The following CDK11B variants were observed in gnomAD, a reference collection of about 807,000 sequenced individuals.
CDK11B encodes cyclin-dependent kinase 11B.
In CDK11B, 37 loss-of-function variants were observed where a neutral mutation model predicts 84.0. The ratio of observed to expected loss-of-function variants is 0.44; its 90% CI spans 0.34 to 0.58. The LOEUF (loss-of-function observed/expected upper bound fraction) is 0.58, where lower values mean the gene tolerates loss of function less well. Among genes scored for constraint, CDK11B ranks in the 20% least tolerant of loss-of-function variants. CDK11B has a pLI of 0.02. For missense variants in CDK11B, 427 were observed against 834.0 expected (o/e 0.51, Z 6.01); for synonymous variants, 269 against 309.8 (o/e 0.87, Z 1.38).
Position 1,654,269 on chromosome 1 carries a change from C to T in CDK11B, c.227+1100G>A, listed in dbSNP as rs567852478. 882 of 416,298 alleles carry T rather than the reference C, an allele frequency of 2.1e-3. 3 individuals carry two copies. The highest frequency in any genetic ancestry group is 3.5e-3 in the Non-Finnish European group (747 of 210,676). 25.8% of individuals were successfully genotyped at this position (416,298 alleles called of 1,614,324 possible). On this transcript the variant is annotated intron_variant, in intron 3 of 19. Transcript: ENST00000341832. ...AAACGTCGGAACACACAGGTCTCAA[C>T]AAGAACATTTCCTTTTTTTCCACAC...
At chr1:1,637,709 C>T (rs537323337) in intron 13 of CDK11B, 53 bp downstream of exon 13, 2 of 1,613,486 alleles carry the variant, frequency 1.2e-6, no homozygotes, top group South Asian at 2.2e-5. Context: ...CAGCACGGGG[C>T]CCTGTCAGAA....
intron 3 of CDK11B, chr1:1,654,153 G>C (rs1171431153): frequency 2.2e-6 from 1 of 464,818 alleles, no homozygotes; most frequent in Non-Finnish European, 4.3e-6. Flanking sequence ...GTAATTTCTG[G>C]CTGTGTTTCC....
intron 2 of CDK11B, among the ~76,000 whole-genome samples, chr1:1,656,582 G>T (rs552372603): frequency 1.3e-5 from 2 of 152,254 alleles, no homozygotes; most frequent in East Asian, 1.9e-4. Flanking sequence ...GAGGTCAGGA[G>T]ATTAAGATCA....
chr1:1,657,664 C>T (rs1450945571), intron 1 of CDK11B, among the ~76,000 whole-genome samples, 166 bp from the exon 2 acceptor site: 1 of 127,398 alleles, frequency 7.8e-6, no homozygotes, highest in Non-Finnish European at 1.6e-5. Flanking sequence ...TTTGGGAGGC[C>T]GAGGCGAGCA....
chr1:1,649,284 G>A (rs1309981928), intron 5 of CDK11B, among the ~76,000 whole-genome samples: 2 of 152,042 alleles, frequency 1.3e-5, no homozygotes, highest in East Asian at 3.9e-4. Flanking sequence ...TATTTTTTTA[G>A]TAGAGACGGG....
chr1:1,658,258 C>T (rs1427002090), intron 1 of CDK11B, among the ~76,000 whole-genome samples: 8 of 149,648 alleles, frequency 5.3e-5, no homozygotes, highest in Non-Finnish European at 1.2e-4. Context: ...GATGGGAGAC[C>T]GATTGAGCCC....
Position 1,641,727 on chromosome 1 carries a change from TC to T in CDK11B, c.943del (p.Glu315ArgfsTer25). 3 of 508,908 alleles carry T rather than the reference TC, an allele frequency of 5.9e-6. No homozygotes were observed. The highest frequency in any genetic ancestry group is 4.0e-5 in the East Asian group (1 of 24,906). The allele number at this position is 508,908 out of a possible 1,614,324, so 31.5% of individuals were successfully genotyped here. A position where few individuals can be genotyped will look rare whatever the true frequency, so the allele number is the denominator to read the frequency against. On this transcript the variant is annotated frameshift_variant, in exon 9 of 20. Coordinates refer to ENST00000341832, the MANE Select transcript of CDK11B (RefSeq NM_033486.3). LOFTEE classifies it high-confidence loss of function. ...STSEESEEEEEEEEEEEEETG... is the reference protein window; with the variant it reads ...STSEESEEEEXEEEEEEEETG... ...CTCCTCCTCCTCCTCTTCCTCTTCCTCCTCCTCCTCCTCTGATTCTTCACTG... is the reference window on the plus strand; with the variant it reads ...CTCCTCCTCCTCCTCTTCCTCTTCCTCTCCTCCTCCTCTGATTCTTCACTG...
intron 2 of CDK11B, among the ~76,000 whole-genome samples, chr1:1,656,348 G>A (rs370897509): frequency 5.9e-5 from 9 of 152,198 alleles, no homozygotes; most frequent in African/African-American, 1.9e-4. Context: ...AAAATTAGCC[G>A]AGCGTGCTGG....
intron 4 of CDK11B, among the ~76,000 whole-genome samples, chr1:1,650,285 GAAATT>G (rs1323670880): frequency 8.6e-6 from 1 of 116,892 alleles, no homozygotes; most frequent in Non-Finnish European, 1.8e-5. Flanking sequence ...AAAAAAAAAA[GAAATT>G]AAATCAAGAA....
In CDK11B at chr1:1,655,461, C is replaced by T. The variant is rs745726713; in HGVS notation, c.135G>A (p.Arg45=). The part of the protein sequence containing the change: ...LKNSDDRDSK[R]DSLEEGELRD... Reference sequence around the variant, plus strand: ...TCAGCTCCCCCTCCTCAAGGGAATCCCGCTTGGAATCCCGGTCATCAGACT... The same window carrying T: ...TCAGCTCCCCCTCCTCAAGGGAATCTCGCTTGGAATCCCGGTCATCAGACT... Residue 45 remains arginine (R), a synonymous_variant, in exon 3 of 20, where the codon CGG becomes CGA. Transcript: ENST00000341832. 5 of 1,612,306 alleles carry T rather than the reference C, an allele frequency of 3.1e-6. No individual in the cohort carries two copies. The highest frequency in any genetic ancestry group is 4.2e-6 in the Non-Finnish European group (5 of 1,178,624).
rs369093717 is a variant in CDK11B, at chr1:1,636,721, G to A, written c.1878C>T (p.Pro626=). ...GELLTQKPLF[P]GKSEIDQINK... ...TGATCTGATCGATTTCTGACTTCCC[G>A]GGGAACAGAGGCTTCTGAGTCAGCA... The change falls in exon 17 of 20, where the codon CCC becomes CCT. Residue 626 remains proline, a synonymous_variant. Transcript: ENST00000341832. The A allele has an allele frequency of 2.6e-5, 42 of 1,613,852 alleles. 1 individual carries two copies. In the South Asian group the frequency reaches 2.6e-4, roughly 10 times the overall value.
chr1:1,646,473 T>C (rs1474386347), intron 5 of CDK11B: 1 of 519,902 alleles, frequency 1.9e-6, no homozygotes, highest in Non-Finnish European at 3.9e-6. Context: ...CTGTCTTCTT[T>C]GTGCAGTCCA....
intron 12 of CDK11B, 121 bp downstream of exon 12, chr1:1,638,379 T>C: frequency 1.2e-6 from 1 of 812,954 alleles, no homozygotes; most frequent in Non-Finnish European, 2.1e-6. Flanking sequence ...CTAGAGGTGC[T>C]GAGGGGTCCA....
At chr1:1,644,937 G>A (rs1640812466) in intron 6 of CDK11B, among the ~76,000 whole-genome samples, 189 bp downstream of exon 6, 1 of 147,722 alleles carries the variant, frequency 6.8e-6, no homozygotes, top group Non-Finnish European at 1.5e-5. Context: ...AGGGTGCAGT[G>A]AGCCGAGATC....
At chr1:1,646,240 C>T in intron 5 of CDK11B, 1 of 368,798 alleles carries the variant, frequency 2.7e-6, no homozygotes, top group South Asian at 2.0e-5. Flanking sequence ...CATATAATTA[C>T]ACGTACAGTT....
intron 5 of CDK11B, chr1:1,646,777 T>G (rs1392543980): frequency 1.9e-6 from 1 of 519,916 alleles, no homozygotes; most frequent in Non-Finnish European, 3.9e-6. Context: ...TAGAACGGTT[T>G]TGATTCCTGG....
chr1:1,656,369 T>C (rs1376941508), intron 2 of CDK11B, among the ~76,000 whole-genome samples: 7 of 152,112 alleles, frequency 4.6e-5, no homozygotes, highest in Non-Finnish European at 7.4e-5. Context: ...CAGGTGCCTG[T>C]AGTCCCAGGT....
intron 2 of CDK11B, 35 bp downstream of exon 2, chr1:1,657,340 T>G: frequency 6.2e-7 from 1 of 1,613,648 alleles, no homozygotes; most frequent in Non-Finnish European, 8.5e-7. Context: ...TAAATCTCCT[T>G]TAAGAAAACC....
Position 1,637,563 on chromosome 1 carries a change from C to T in CDK11B, c.1465-50G>A, listed in dbSNP as rs770743271. On this transcript the variant is annotated intron_variant, in intron 13 of 19. Coordinates refer to ENST00000341832, the MANE Select transcript of CDK11B (RefSeq NM_033486.3). ...CTGGGCACCTCCAGGCCCCCACCCA[C>T]CCCTGCACCCGGGTGCAGCTGCTGA... 10 of 1,607,714 alleles carry T rather than the reference C, an allele frequency of 6.2e-6. No individual in the cohort carries two copies. The Admixed American group carries it at 6.9e-5, about 11-fold the overall frequency.
Sources: gnomAD v4.1 joint callset for allele counts (sites outside exome capture counted in the v4.1 genomes callset) on GRCh38, gnomAD v4.1.1 for gene constraint, MANE v1.5 for transcripts, NCBI Gene and HGNC (gene_info 2026-07-23, HGNC 2026-07-21) for gene names.